The following EPHA6 variants were observed in gnomAD, a reference collection of about 807,000 sequenced individuals.
The protein encoded by EPHA6 is EPH receptor A6.
EPHA6 carries 50 observed loss-of-function variants against 112.0 expected under a neutral mutation model. The observed-to-expected ratio is 0.45, with a 90% CI of 0.36 to 0.56. EPHA6 has a LOEUF of 0.56. EPHA6 is among the 20% of genes least tolerant of loss of function. EPHA6 has a pLI of 0.00. For synonymous variants in EPHA6, 529 were observed against 490.7 expected, an observed-to-expected ratio of 1.08 and a Z score of -1.03; for missense variants, 1,280 against 1,417.4, an observed-to-expected ratio of 0.90 and a Z score of 1.56.
At chr3:96,962,869 CA>C (rs1161790122) in intron 2 of EPHA6, among the ~76,000 whole-genome samples, 1 of 151,908 alleles carries the variant, frequency 6.6e-6, no homozygotes, top group African/African-American at 2.4e-5. Context: ...AAGGAGGGAG[CA>C]TTTCAGGCAC....
At chr3:97,509,796 C>T (rs1406540062) in intron 10 of EPHA6, among the ~76,000 whole-genome samples, 1 of 152,134 alleles carries the variant, frequency 6.6e-6, no homozygotes, top group Non-Finnish European at 1.5e-5. Context: ...AGCTTGGTTC[C>T]ATTCTCCCCA....
chr3:97,107,772 A>T (rs1402036985), intron 3 of EPHA6, among the ~76,000 whole-genome samples: 1 of 152,174 alleles, frequency 6.6e-6, no homozygotes, highest in South Asian at 2.1e-4. Flanking sequence ...GAGAATAAAT[A>T]TAGCATATGC....
intron 15 of EPHA6, among the ~76,000 whole-genome samples, chr3:97,725,750 A>G (rs2034736808): frequency 2.0e-5 from 3 of 152,134 alleles, no homozygotes; most frequent in South Asian, 4.1e-4. Flanking sequence ...AGCAGATGCC[A>G]GTAAAACCCT....
At chr3:97,570,188 C>T (rs999623701) in intron 11 of EPHA6, among the ~76,000 whole-genome samples, 2 of 151,960 alleles carry the variant, frequency 1.3e-5, no homozygotes, top group African/African-American at 4.8e-5. Flanking sequence ...ATAAAATATT[C>T]CAAATATGAG....
intron 3 of EPHA6, among the ~76,000 whole-genome samples, chr3:97,213,129 G>A (rs2077924795): frequency 6.6e-6 from 1 of 152,182 alleles, no homozygotes; most frequent in Non-Finnish European, 1.5e-5. Context: ...GCTTTTCTAA[G>A]CTTCTCTGTC....
At chr3:97,296,854 A>G (rs2080891062) in intron 5 of EPHA6, among the ~76,000 whole-genome samples, 1 of 152,062 alleles carries the variant, frequency 6.6e-6, no homozygotes, top group Non-Finnish European at 1.5e-5. Flanking sequence ...AGTGCTAAAT[A>G]CCCAACTGGG....
At chr3:97,205,952 C>T (rs550856211) in intron 3 of EPHA6, among the ~76,000 whole-genome samples, 6 of 152,150 alleles carry the variant, frequency 3.9e-5, no homozygotes, top group East Asian at 3.9e-4. Context: ...AGTTAAATAA[C>T]TTACATAAGG....
At chr3:97,136,291 G>T (rs374258306) in intron 3 of EPHA6, among the ~76,000 whole-genome samples, 2 of 152,116 alleles carry the variant, frequency 1.3e-5, no homozygotes, top group African/African-American at 4.8e-5. Flanking sequence ...AATATCTGAA[G>T]AACTAAATGA....
In EPHA6 at chr3:97,628,086, C is replaced by G. The variant is rs1576126308; in HGVS notation, c.2575-9787C>G. ...ATTACTATATTTTATAAGGATCACT[C>G]TGTTTGCTGTATTAAGAAGAGACTA... On this transcript the variant is annotated intron_variant, in intron 13 of 17. Coordinates refer to ENST00000389672, the MANE Select transcript of EPHA6 (RefSeq NM_001080448.3). Among the ~76,000 whole-genome samples, 3 of 152,086 alleles carry G rather than the reference C, an allele frequency of 2.0e-5. No individual in the cohort carries two copies. The Middle Eastern group carries it at 0.01, about 517-fold the overall frequency.
intron 11 of EPHA6, among the ~76,000 whole-genome samples, chr3:97,571,095 A>T (rs532752359): frequency 8.9e-4 from 136 of 152,344 alleles, no homozygotes; most frequent in Non-Finnish European, 1.5e-3. Context: ...TGGGATGGAC[A>T]GAAGAGGGCA....
intron 5 of EPHA6, among the ~76,000 whole-genome samples, chr3:97,390,030 G>C (rs2086308120): frequency 6.6e-6 from 1 of 152,180 alleles, no homozygotes; most frequent in Admixed American, 6.6e-5. Flanking sequence ...GGCTCAGCCA[G>C]GTGTTACTTT....
chr3:97,052,928 A>T (rs1017127618), intron 3 of EPHA6, among the ~76,000 whole-genome samples: 4 of 152,038 alleles, frequency 2.6e-5, no homozygotes, highest in African/African-American at 9.7e-5. Flanking sequence ...TGGTGGACAG[A>T]AATGAGCAAA....
At chr3:96,998,943 T>C (rs1259897834) in intron 3 of EPHA6, among the ~76,000 whole-genome samples, 1 of 152,002 alleles carries the variant, frequency 6.6e-6, no homozygotes, top group African/African-American at 2.4e-5. Flanking sequence ...TCTGTTGAGA[T>C]ATCTTTATCT....
intron 3 of EPHA6, among the ~76,000 whole-genome samples, chr3:97,191,208 A>G (rs1311392235): frequency 6.6e-6 from 1 of 152,074 alleles, no homozygotes. Flanking sequence ...GTAGGTATAT[A>G]TATTTTTGGG....
intron 3 of EPHA6, among the ~76,000 whole-genome samples, chr3:97,095,906 A>G (rs1376976301): frequency 6.6e-6 from 1 of 152,006 alleles, no homozygotes; most frequent in African/African-American, 2.4e-5. Context: ...CTTAAATGAT[A>G]TTATACTTTG....
chr3:96,899,115 A>T (rs1413990323), intron 2 of EPHA6, among the ~76,000 whole-genome samples: 1 of 151,874 alleles, frequency 6.6e-6, no homozygotes, highest in African/African-American at 2.4e-5. Context: ...AAACGAAGGT[A>T]TTGGCAAGAC....
chr3:97,423,258 T>C (rs1351669727), intron 6 of EPHA6, among the ~76,000 whole-genome samples: 8 of 152,162 alleles, frequency 5.3e-5, no homozygotes, highest in Non-Finnish European at 1.2e-4. Flanking sequence ...GAAAACCCCA[T>C]AATCTTTGCC....
chr3:97,751,284 T>A lies in EPHA6; in HGVS notation c.*2583T>A, dbSNP rs759762299. On this transcript the variant is annotated 3_prime_UTR_variant, in exon 18 of 18. Transcript: ENST00000389672. ...TTTCTTTTAAAATGTCTGATGATCCTATTCTACATCTGGTTAATTTGTACT... is the reference window on the plus strand; with the variant it reads ...TTTCTTTTAAAATGTCTGATGATCCAATTCTACATCTGGTTAATTTGTACT... Among the ~76,000 whole-genome samples the A allele has an allele frequency of 1.3e-5, 2 of 152,160 alleles. No individual in the cohort carries two copies. Among genetic ancestry groups the A allele is most frequent in the Non-Finnish European group, 2.9e-5 (2 of 67,994 alleles).
chr3:97,380,320 A>G (rs2085652273), intron 5 of EPHA6, among the ~76,000 whole-genome samples: 2 of 152,240 alleles, frequency 1.3e-5, no homozygotes, highest in Non-Finnish European at 2.9e-5. Context: ...ATACTCGGGT[A>G]GAATAAAAAC....
Sources: allele counts gnomAD v4.1 joint callset (sites outside exome capture counted in the v4.1 genomes callset), GRCh38; gene constraint gnomAD v4.1.1; transcripts MANE v1.5; gene names NCBI Gene and HGNC (gene_info 2026-07-23, HGNC 2026-07-21).